The following PEX5L variants were observed in gnomAD, a reference collection of about 807,000 sequenced individuals.
The protein encoded by PEX5L is PEX5-related protein.
A neutral mutation model predicts 84.0 loss-of-function variants in PEX5L; 30 were observed. The observed-to-expected ratio is 0.36, with a 90% CI of 0.27 to 0.48. PEX5L has a LOEUF of 0.48. Among genes scored for constraint, PEX5L ranks in the 20% least tolerant of loss-of-function variants. The probability of loss-of-function intolerance (pLI) is 0.99; values close to 1 mark genes in which losing one functional copy is unlikely to be tolerated. For missense variants in PEX5L, 533 were observed against 754.6 expected, an observed-to-expected ratio of 0.71 and a Z score of 3.44; for synonymous variants, 270 against 283.1, an observed-to-expected ratio of 0.95 and a Z score of 0.46.
rs554672513 is a variant in PEX5L at position 179,828,981 on chromosome 3, A to C, written c.823-9005T>G. Among the ~76,000 whole-genome samples the C allele has an allele frequency of 8.0e-4, 122 of 152,334 alleles. 1 individual carries two copies. The highest frequency in any genetic ancestry group is 6.8e-3 in the Middle Eastern group (2 of 294). ...TGAAACCCAGAATGTGGAGAAAAGAATTAAAATAATTTTTGGTGTGTTTTT... is the reference window on the plus strand; with the variant it reads ...TGAAACCCAGAATGTGGAGAAAAGACTTAAAATAATTTTTGGTGTGTTTTT... On this transcript the variant is annotated intron_variant, in intron 8 of 14. Transcript: ENST00000467460.
chr3:179,900,507 T>C lies in PEX5L; in HGVS notation c.94-2261A>G, dbSNP rs533130099. ...TACTTTTTTACATGTGCAACTATAA[T>C]AGCTAGAGTTAGCAAGGGACATGCC... On this transcript the variant is annotated intron_variant, in intron 2 of 14. Coordinates refer to ENST00000467460, the MANE Select transcript of PEX5L (RefSeq NM_016559.3). Among the ~76,000 whole-genome samples, 17 of 152,354 alleles carry C rather than the reference T, an allele frequency of 1.1e-4. No individual in the cohort carries two copies. In the South Asian group the frequency reaches 3.1e-3, roughly 28 times the overall value.
intron 2 of PEX5L, among the ~76,000 whole-genome samples, chr3:179,968,919 T>C (rs1316841706): frequency 6.6e-6 from 1 of 152,114 alleles, no homozygotes; most frequent in Admixed American, 6.6e-5. Context: ...TTTTTTTCCA[T>C]GTTGAAATAA....
chr3:180,019,821 G>T (rs945209791), intron 1 of PEX5L, among the ~76,000 whole-genome samples: 5 of 152,140 alleles, frequency 3.3e-5, no homozygotes, highest in African/African-American at 9.7e-5. Context: ...GTTTTGATGA[G>T]ATAATCTTTA....
chr3:179,910,264 C>T (rs894070299), intron 2 of PEX5L, among the ~76,000 whole-genome samples: 7 of 152,190 alleles, frequency 4.6e-5, no homozygotes, highest in African/African-American at 1.4e-4. Flanking sequence ...CTCAAGTGGT[C>T]ATTCAGTGCC....
chr3:180,000,121 C>T (rs900872668), intron 1 of PEX5L, among the ~76,000 whole-genome samples: 5 of 152,152 alleles, frequency 3.3e-5, no homozygotes, highest in African/African-American at 7.2e-5. Context: ...CATGACATTA[C>T]GTTCTTCTGG....
In PEX5L at chr3:180,023,242, T is replaced by C. The variant is rs114261299; in HGVS notation, c.21+13337A>G. Among the ~76,000 whole-genome samples the C allele has an allele frequency of 4.2e-3, 644 of 152,308 alleles. 11 individuals are homozygous for C. Among genetic ancestry groups the C allele is most frequent in the African/African-American group, 0.015 (617 of 41,572 alleles). On this transcript the variant is annotated intron_variant, in intron 1 of 14. Coordinates refer to ENST00000467460, the MANE Select transcript of PEX5L (RefSeq NM_016559.3). ...TGACAGAGATAAAATATCTATCTTT[T>C]GCCAACCTCACTGAGGCACTCTAAA...
chr3:179,820,193 T>C, intron 8 of PEX5L: 1 of 587,324 alleles, frequency 1.7e-6, no homozygotes, highest in East Asian at 2.9e-5. Context: ...GGAAAATAAC[T>C]ACCATCAGAA....
rs527936133 is a variant in PEX5L at position 179,937,332 on chromosome 3, CAGT to C, written c.93+34259_93+34261del. Among the ~76,000 whole-genome samples, 57 of 152,124 alleles carry C rather than the reference CAGT, an allele frequency of 3.7e-4. 1 individual carries two copies. The East Asian group carries it at 0.011, about 29-fold the overall frequency. On this transcript the variant is annotated intron_variant, in intron 2 of 14. Transcript: ENST00000467460. The stretch of plus-strand genomic sequence containing the variant: ...GTACCACAGTAATGTAAGATGTTAA[CAGT>C]AGGAGAGACAGCATGCGGGGTACAT...
At chr3:179,833,339 C>T (rs1009328715) in intron 8 of PEX5L, among the ~76,000 whole-genome samples, 10 of 152,218 alleles carry the variant, frequency 6.6e-5, no homozygotes, top group Admixed American at 3.9e-4. Flanking sequence ...TTACAAGTTA[C>T]TTGTCCAAGG....
chr3:179,852,882 A>G (rs188857236), intron 8 of PEX5L, among the ~76,000 whole-genome samples: 148 of 152,350 alleles, frequency 9.7e-4, no homozygotes, highest in Non-Finnish European at 6.0e-4. Flanking sequence ...GGAAAAGTTC[A>G]TCCTTTGTTA....
At chr3:179,903,401 A>C (rs1348923770) in intron 2 of PEX5L, among the ~76,000 whole-genome samples, 1 of 151,940 alleles carries the variant, frequency 6.6e-6, no homozygotes, top group Non-Finnish European at 1.5e-5. Context: ...AATTTAAAAA[A>C]ATTTTTTTCT....
At chr3:179,998,304 TTAAG>T (rs1788080966) in intron 1 of PEX5L, among the ~76,000 whole-genome samples, 1 of 152,170 alleles carries the variant, frequency 6.6e-6, no homozygotes, top group Non-Finnish European at 1.5e-5. Context: ...GGCCCATTGA[TTAAG>T]TAACCCGAAA....
chr3:180,011,139 T>G (rs900268131), intron 1 of PEX5L, among the ~76,000 whole-genome samples: 3 of 152,194 alleles, frequency 2.0e-5, no homozygotes, highest in Non-Finnish European at 4.4e-5. Flanking sequence ...TGAATACACC[T>G]TGAAAAATAT....
chr3:179,951,058 G>A (rs983435877), intron 2 of PEX5L, among the ~76,000 whole-genome samples: 2 of 152,136 alleles, frequency 1.3e-5, no homozygotes, highest in Non-Finnish European at 2.9e-5. Context: ...AATGCTGAAG[G>A]CTATTACAAC....
intron 1 of PEX5L, among the ~76,000 whole-genome samples, chr3:180,017,353 G>C (rs1790034307): frequency 1.3e-5 from 2 of 152,266 alleles, no homozygotes; most frequent in Admixed American, 1.3e-4. Context: ...ATGGATTACA[G>C]ATTCAAGCCC....
At chr3:179,921,630 T>C (rs889463430) in intron 2 of PEX5L, 3 of 152,208 alleles carry the variant, frequency 2.0e-5, no homozygotes, top group Non-Finnish European at 4.4e-5. Flanking sequence ...CTGAGAGAGA[T>C]GACTCAGTCA....
chr3:179,898,238 G>A lies in PEX5L; in HGVS notation c.102C>T (p.Gly34=). The change falls in exon 3 of 15, where the codon GGC becomes GGT. Residue 34 remains glycine, a synonymous_variant. Transcript: ENST00000467460. The part of the protein sequence containing the change: ...EIIVDQKQGK[G]SRAADKAVAM... ...CAACAGCCTTATCTGCCGCCCTAGA[G>A]CCTTTTCCCTATAACAGTGAAATCA... 3.1e-6 allele frequency: 5 copies of A among 1,610,860 alleles called. No individual in the cohort carries two copies. The South Asian group carries it at 4.4e-5, about 14-fold the overall frequency.
chr3:179,901,041 C>T (rs771989907), intron 2 of PEX5L, among the ~76,000 whole-genome samples: 2 of 152,124 alleles, frequency 1.3e-5, no homozygotes, highest in African/African-American at 2.4e-5. Flanking sequence ...CTATTTATCT[C>T]GTGGGATAAT....
At chr3:179,879,821 C>G in intron 5 of PEX5L, 108 bp downstream of exon 5, 1 of 735,936 alleles carries the variant, frequency 1.4e-6, no homozygotes, top group African/African-American at 1.8e-5. Context: ...CATGGAATGC[C>G]TTTTCTACTC....
Sources: gnomAD v4.1 joint callset for allele counts (sites outside exome capture counted in the v4.1 genomes callset) on GRCh38, gnomAD v4.1.1 for gene constraint, MANE v1.5 for transcripts, NCBI Gene and HGNC (gene_info 2026-07-23, HGNC 2026-07-21) for gene names.